Variants in ZNF160 observed in about 807,000 individuals in gnomAD.
ZNF160 encodes zinc finger protein 160.
ZNF160 carries 9 observed loss-of-function variants against 13.1 expected under a neutral mutation model. The ratio of observed to expected loss-of-function variants is 0.69; its 90% CI spans 0.41 to 1.20. The LOEUF (loss-of-function observed/expected upper bound fraction) is 1.20, where lower values mean the gene tolerates loss of function less well. ZNF160 is among the 50% of genes most tolerant of loss of function. ZNF160 has a pLI of 0.01. For synonymous variants in ZNF160, 293 were observed against 333.2 expected (o/e 0.88, Z 1.31); for missense variants, 838 against 988.0 (o/e 0.85, Z 2.04).
At chr19:53,093,259 G>C (rs545812398) in intron 1 of ZNF160, among the ~76,000 whole-genome samples, 1 of 152,160 alleles carries the variant, frequency 6.6e-6, no homozygotes, top group Non-Finnish European at 1.5e-5. Context: ...GGCCAACATG[G>C]TGAAACGTTG....
intron 1 of ZNF160, among the ~76,000 whole-genome samples, chr19:53,092,473 G>A (rs911551319): frequency 7.9e-5 from 12 of 152,244 alleles, no homozygotes; most frequent in Non-Finnish European, 1.3e-4. Context: ...ACTAGGCCCA[G>A]CTAATTTTTT....
In ZNF160 at chr19:53,069,525, C is replaced by T; in HGVS notation, c.1009G>A (p.Gly337Arg). The T allele has an allele frequency of 6.2e-7, 1 of 1,614,122 alleles. No individual in the cohort carries two copies. Among genetic ancestry groups the T allele is most frequent in the South Asian group, 1.1e-5 (1 of 91,078 alleles). The change falls in exon 6 of 6, where the codon GGA (glycine) becomes AGA (arginine). Residue 337 changes from glycine to arginine, a missense_variant. Physicochemically the swap from Gly to Arg is moderately radical, Grantham distance 125. Transcript: ENST00000683776. The surrounding 1 kb of genome is among the most constrained non-coding windows in gnomAD (Gnocchi z 4.4). ...YLATHRRIHT[G>R]EKPYKCNECG... ...TCATTACACTTGTAAGGTTTCTCTC[C>T]AGTATGAATTCGCCGATGAGTTGCA... is the stretch of plus-strand genomic sequence containing the variant.
At chr19:53,081,918 C>T (rs973600076) in intron 3 of ZNF160, among the ~76,000 whole-genome samples, 6 of 152,150 alleles carry the variant, frequency 3.9e-5, no homozygotes, top group Non-Finnish European at 8.8e-5. Flanking sequence ...GACATATACC[C>T]TATGGAATAT....
rs776942449 is a variant in ZNF160, at chr19:53,069,044, G to C, written c.1490C>G (p.Ala497Gly). The C allele has an allele frequency of 1.2e-6, 2 of 1,613,980 alleles. No individual in the cohort carries two copies. Among genetic ancestry groups the C allele is most frequent in the Non-Finnish European group, 1.7e-6 (2 of 1,180,008 alleles). ...SKVFTQNSQL[A>G]NHRRIHTGEK... ...TCCAGTATGAATTCTTCGATGATTT[G>C]CAAGTTGTGAATTTTGAGTGAAAAC... Residue 497 changes from alanine (A) to glycine (G), a missense_variant, in exon 6 of 6, where the codon GCA (alanine) becomes GGA (glycine). Coordinates refer to ENST00000683776, the MANE Select transcript of ZNF160 (RefSeq NM_001322131.2). The surrounding 1 kb of genome is among the most constrained non-coding windows in gnomAD (Gnocchi z 4.4).
chr19:53,083,204 G>A (rs2084699962), intron 3 of ZNF160, among the ~76,000 whole-genome samples: 2 of 152,266 alleles, frequency 1.3e-5, no homozygotes, highest in East Asian at 1.9e-4. Flanking sequence ...GGCCACTGGT[G>A]ATCAACTTAA....
chr19:53,081,565 C>T (rs1181466767), intron 3 of ZNF160, among the ~76,000 whole-genome samples: 1 of 151,964 alleles, frequency 6.6e-6, no homozygotes, highest in African/African-American at 2.4e-5. Context: ...AATGAGACAC[C>T]ATTTCATACC....
Position 53,096,812 on chromosome 19 carries a change from A to G in ZNF160, c.-353-5092T>C, listed in dbSNP as rs910151870. Reference sequence around the variant, plus strand: ...GGGAAGCATTAGTTTCCCATCATAGAGAGGACAACGGGGAAAGGGAGAAGC... The same window carrying G: ...GGGAAGCATTAGTTTCCCATCATAGGGAGGACAACGGGGAAAGGGAGAAGC... On this transcript the variant is annotated intron_variant, in intron 1 of 5. Coordinates refer to ENST00000683776, the MANE Select transcript of ZNF160 (RefSeq NM_001322131.2). Among the ~76,000 whole-genome samples the G allele has an allele frequency of 7.7e-5, 10 of 129,416 alleles. 2 individuals are homozygous for G. Among genetic ancestry groups the G allele is most frequent in the Non-Finnish European group, 1.7e-4 (10 of 58,728 alleles). The allele number at this position is 129,416 out of a possible 152,430, so 84.9% of individuals were successfully genotyped here. A position where few individuals can be genotyped will look rare whatever the true frequency, so the allele number is the denominator to read the frequency against.
At chr19:53,090,014 T>C (rs1409573693) in intron 2 of ZNF160, among the ~76,000 whole-genome samples, 1 of 152,062 alleles carries the variant, frequency 6.6e-6, no homozygotes, top group African/African-American at 2.4e-5. Context: ...TATTTCTGCC[T>C]CTTTCTTCCC....
chr19:53,095,387 G>A (rs557991930), intron 1 of ZNF160: 1 of 151,630 alleles, frequency 6.6e-6, no homozygotes, highest in South Asian at 2.1e-4. Flanking sequence ...GGCCTTTCAG[G>A]GCACTCCAGC....
At position 53,083,443 on chromosome 19, in the gene ZNF160, A is replaced by G. The variant is rs79402989; in HGVS notation, c.15+2819T>C. ...TGGGTCAAAGACAAAGGCCATGTGAACAATCCACTGGTAGATAAAGATAAA... is the reference window on the plus strand; with the variant it reads ...TGGGTCAAAGACAAAGGCCATGTGAGCAATCCACTGGTAGATAAAGATAAA... On this transcript the variant is annotated intron_variant, in intron 3 of 5. Coordinates refer to ENST00000683776, the MANE Select transcript of ZNF160 (RefSeq NM_001322131.2). Among the ~76,000 whole-genome samples, 404 of 152,372 alleles carry G rather than the reference A, an allele frequency of 2.7e-3. 1 individual carries two copies. Among genetic ancestry groups the G allele is most frequent in the African/African-American group, 9.2e-3 (381 of 41,590 alleles).
chr19:53,086,399 A>C, intron 2 of ZNF160, 78 bp from the exon 3 acceptor site: 3 of 1,275,384 alleles, frequency 2.4e-6, no homozygotes, highest in Non-Finnish European at 3.2e-6. Flanking sequence ...GAATCTATAC[A>C]TCCCCTTCAT....
In ZNF160 at chr19:53,069,696, T is replaced by C. The variant is rs748845817; in HGVS notation, c.838A>G (p.Ser280Gly). ...CTGCATTTGTAAGGCTTCTCTCCAC[T>C]ATGAATTCTCCTATGACTTGTAAGG... ...SNLTSHRRIH[S>G]GEKPYKCSEC... Residue 280 changes from serine to glycine, a missense_variant, in exon 6 of 6, where the codon AGT (serine) becomes GGT (glycine). Coordinates refer to ENST00000683776, the MANE Select transcript of ZNF160 (RefSeq NM_001322131.2). The surrounding 1 kb of genome is among the most constrained non-coding windows in gnomAD (Gnocchi z 4.4). 1.2e-6 allele frequency: 2 copies of C among 1,614,210 alleles called. No individual in the cohort carries two copies. The highest frequency in any genetic ancestry group is 1.7e-6 in the Non-Finnish European group (2 of 1,180,032).
In ZNF160 at chr19:53,067,961, A is replaced by C; in HGVS notation, c.*116T>G. ...CTCTTGCTTATGGCCTCTCATATCTATTAATGCTTCAACTCATGAGGGATT... is the reference window on the plus strand; with the variant it reads ...CTCTTGCTTATGGCCTCTCATATCTCTTAATGCTTCAACTCATGAGGGATT... On this transcript the variant is annotated 3_prime_UTR_variant, in exon 6 of 6. Coordinates refer to ENST00000683776, the MANE Select transcript of ZNF160 (RefSeq NM_001322131.2). 2.1e-6 allele frequency: 3 copies of C among 1,407,760 alleles called. No individual in the cohort carries two copies. Among genetic ancestry groups the C allele is most frequent in the Middle Eastern group, 2.6e-4 (1 of 3,810 alleles). 87.2% of individuals were successfully genotyped at this position (1,407,760 alleles called of 1,614,324 possible).
chr19:53,093,121 A>G (rs2085095554), intron 1 of ZNF160, among the ~76,000 whole-genome samples: 4 of 152,204 alleles, frequency 2.6e-5, no homozygotes, highest in South Asian at 4.1e-4. Context: ...CAAAATCAAC[A>G]TATTCACAAG....
chr19:53,068,961 T>A lies in ZNF160; in HGVS notation c.1573A>T (p.Thr525Ser). The change falls in exon 6 of 6, where the codon ACT becomes TCT. Residue 525 changes from threonine to serine, a missense_variant. Physicochemically the swap from Thr to Ser is moderately conservative, Grantham distance 58 (BLOSUM62 1). Around this residue, in one of 3 missense-constraint regions of ZNF160, gnomAD observed 400 missense variants for 538.9 expected, o/e 0.74. Transcript: ENST00000683776. ...CCAGAATGGATTGCCTGATGGGTAG[T>A]CAGACTTGAACGAACACTGAAGGCT... ...GKAFSVRSSL[T>S]THQAIHSGEK... 1 of 1,613,876 alleles carries A rather than the reference T, an allele frequency of 6.2e-7. No homozygotes were observed. Among genetic ancestry groups the A allele is most frequent in the South Asian group, 1.1e-5 (1 of 91,068 alleles).
intron 3 of ZNF160, among the ~76,000 whole-genome samples, chr19:53,084,640 A>G (rs754336617): frequency 1.3e-5 from 2 of 152,226 alleles, no homozygotes; most frequent in Non-Finnish European, 2.9e-5. Flanking sequence ...ATATATACAC[A>G]TCCACAAAGT....
At chr19:53,099,322 G>A (rs2085359981) in intron 1 of ZNF160, among the ~76,000 whole-genome samples, 1 of 152,166 alleles carries the variant, frequency 6.6e-6, no homozygotes, top group African/African-American at 2.4e-5. Context: ...CAAAGACTGA[G>A]ACAGGAAAGG....
intron 3 of ZNF160, chr19:53,085,143 G>A (rs2084783038): frequency 1.0e-6 from 1 of 984,826 alleles, no homozygotes; most frequent in Non-Finnish European, 1.2e-6. Flanking sequence ...TTATAGAAGT[G>A]AGAAAGTTAA....
intron 3 of ZNF160, chr19:53,077,233 G>A (rs1183257910): frequency 1.3e-5 from 2 of 152,196 alleles, no homozygotes; most frequent in African/African-American, 4.8e-5. Flanking sequence ...AAAAGTCCAC[G>A]GAGGACGCAT....
Sources: gnomAD v4.1 joint callset for allele counts (sites outside exome capture counted in the v4.1 genomes callset) on GRCh38, gnomAD v4.1.1 for gene constraint, gnomAD v4.1.1 regional missense constraint, Gnocchi (gnomAD v3.1) non-coding constraint, MANE v1.5 for transcripts, NCBI Gene and HGNC (gene_info 2026-07-23, HGNC 2026-07-21) for gene names.